Variants in IGSF5 observed in about 807,000 individuals in gnomAD.
IGSF5 encodes the protein immunoglobulin superfamily member 5.
In IGSF5, 41 loss-of-function variants were observed where a neutral mutation model predicts 39.4. That is an observed-to-expected ratio of 1.04 (90% CI 0.81 to 1.35). IGSF5 has a LOEUF of 1.35. Ranked by LOEUF, IGSF5 falls within the 40% of genes most tolerant of loss-of-function variation. The pLI, the probability that IGSF5 is intolerant of heterozygous loss-of-function variation, is 0.00. For missense variants in IGSF5, 487 were observed against 494.6 expected (o/e 0.98, Z 0.15); for synonymous variants, 183 against 175.3 (o/e 1.04, Z -0.34).
At chr21:39,794,179 G>C (rs999644439) in intron 8 of IGSF5, among the ~76,000 whole-genome samples, 1 of 152,208 alleles carries the variant, frequency 6.6e-6, no homozygotes, top group Non-Finnish European at 1.5e-5. Flanking sequence ...AGGAGTCCTT[G>C]ATGATTAAGG....
At chr21:39,721,683 CT>C in the IGSF5 span, among the ~76,000 whole-genome samples, 164 of 71,506 alleles carry the variant, frequency 2.3e-3, no homozygotes, top group African/African-American at 7.3e-3. Context: ...CCCTTCCTTC[CT>C]TCCTTCCTTC....
intron 2 of IGSF5, among the ~76,000 whole-genome samples, chr21:39,762,125 T>C (rs1413409932): frequency 1.3e-5 from 2 of 152,164 alleles, no homozygotes; most frequent in African/African-American, 4.8e-5. Flanking sequence ...TAAACTCCTA[T>C]AAAGAAATCG....
chr21:39,771,897 A>T (rs992924790), intron 4 of IGSF5, among the ~76,000 whole-genome samples: 8 of 152,144 alleles, frequency 5.3e-5, no homozygotes, highest in African/African-American at 1.9e-4. Context: ...AACATTTTAC[A>T]AAAAAGGAAG....
chr21:39,731,300 A>AT, the IGSF5 span, among the ~76,000 whole-genome samples: 1 of 152,108 alleles, frequency 6.6e-6, no homozygotes, highest in Non-Finnish European at 1.5e-5. Flanking sequence ...TTTTAGGTCT[A>AT]TTAAGAGGTC....
chr21:39,724,146 T>C, the IGSF5 span, among the ~76,000 whole-genome samples: 2 of 152,044 alleles, frequency 1.3e-5, no homozygotes, highest in African/African-American at 4.8e-5. Flanking sequence ...TTTTGTTTCT[T>C]CAAGTAATAC....
the IGSF5 span, chr21:39,725,742 A>G: frequency 6.6e-6 from 1 of 152,208 alleles, no homozygotes; most frequent in East Asian, 1.9e-4. Flanking sequence ...TCTGGAAAAA[A>G]AACTAGCACA....
At chr21:39,727,376 C>T in the IGSF5 span, among the ~76,000 whole-genome samples, 7 of 152,292 alleles carry the variant, frequency 4.6e-5, no homozygotes, top group South Asian at 1.5e-3. Flanking sequence ...AATTCCAGCT[C>T]TCAATGGGGC....
chr21:39,731,873 A>G, the IGSF5 span, among the ~76,000 whole-genome samples: 1 of 152,240 alleles, frequency 6.6e-6, no homozygotes, highest in East Asian at 1.9e-4. Context: ...TGAAATTTGT[A>G]ATAGTTTGTT....
At chr21:39,752,246 G>A (rs2080009302) in intron 2 of IGSF5, among the ~76,000 whole-genome samples, 1 of 152,130 alleles carries the variant, frequency 6.6e-6, no homozygotes, top group Admixed American at 6.5e-5. Context: ...CCACTTATAA[G>A]TGAGAACATA....
At chr21:39,748,299 A>G (rs1254971143) in intron 2 of IGSF5, among the ~76,000 whole-genome samples, 1 of 43,746 alleles carries the variant, frequency 2.3e-5, no homozygotes, top group East Asian at 6.5e-4. Flanking sequence ...AGAAAACAAG[A>G]TCTTTTTTTT....
At chr21:39,718,482 G>A in the IGSF5 span, among the ~76,000 whole-genome samples, 1 of 152,018 alleles carries the variant, frequency 6.6e-6, no homozygotes, top group Non-Finnish European at 1.5e-5. Context: ...GTTGGCTGTG[G>A]GTTTGTCATA....
rs1032926504 is a variant in IGSF5 at position 39,801,423 on chromosome 21, C to G, written c.*66C>G. On this transcript the variant is annotated 3_prime_UTR_variant, in exon 9 of 9. Coordinates refer to ENST00000380588, the MANE Select transcript of IGSF5 (RefSeq NM_001080444.2). ...TTCAAAACACGGCGATGGCATCCTT[C>G]CTTTCCATCCTAAGACTGGCCTGCA... 2 of 1,163,428 alleles carry G rather than the reference C, an allele frequency of 1.7e-6. No homozygotes were observed. The highest frequency in any genetic ancestry group is 3.6e-5 in the Admixed American group (2 of 55,460). The allele number at this position is 1,163,428 out of a possible 1,614,324, so 72.1% of individuals were successfully genotyped here.
chr21:39,730,410 C>G, the IGSF5 span: 4 of 152,294 alleles, frequency 2.6e-5, no homozygotes, highest in South Asian at 8.3e-4. Flanking sequence ...AGGCCACATT[C>G]TGAGGAACTG....
At chr21:39,799,856 A>G (rs1351780537) in intron 8 of IGSF5, among the ~76,000 whole-genome samples, 1 of 152,220 alleles carries the variant, frequency 6.6e-6, no homozygotes, top group East Asian at 1.9e-4. Context: ...AGAGATCTCA[A>G]TCATGGATTA....
intron 5 of IGSF5, among the ~76,000 whole-genome samples, chr21:39,787,596 C>A (rs2086930956): frequency 7.8e-6 from 1 of 127,432 alleles, no homozygotes; most frequent in Non-Finnish European, 1.6e-5. Flanking sequence ...ACAACTGTAT[C>A]AATTGATACC....
At chr21:39,750,459 G>C (rs2079999316) in intron 2 of IGSF5, among the ~76,000 whole-genome samples, 2 of 144,106 alleles carry the variant, frequency 1.4e-5, no homozygotes. Flanking sequence ...AGTGACCTAT[G>C]ATCGTGCCAC....
intron 2 of IGSF5, among the ~76,000 whole-genome samples, chr21:39,755,614 A>C (rs1271420180): frequency 6.6e-6 from 1 of 151,466 alleles, no homozygotes; most frequent in Non-Finnish European, 1.5e-5. Context: ...TTAGTAAATG[A>C]TTTATTTGAC....
At position 39,769,961 on chromosome 21, in the gene IGSF5, T is replaced by A. The variant is rs190734659; in HGVS notation, c.419-955T>A. Among the ~76,000 whole-genome samples, 159 of 152,344 alleles carry A rather than the reference T, an allele frequency of 1.0e-3. 1 individual carries two copies. Among genetic ancestry groups the A allele is most frequent in the Non-Finnish European group, 2.0e-3 (135 of 68,042 alleles). On this transcript the variant is annotated intron_variant, in intron 3 of 8. Coordinates refer to ENST00000380588, the MANE Select transcript of IGSF5 (RefSeq NM_001080444.2). ...TTGAGAAGTGCTGATCTGGTCAAAC[T>A]ATCTCATTCAGTAAGTACAACAAAG...
At chr21:39,736,107 GC>G in the IGSF5 span, among the ~76,000 whole-genome samples, 1 of 150,326 alleles carries the variant, frequency 6.7e-6, no homozygotes, top group Admixed American at 6.6e-5. Context: ...GGGGTCCCAG[GC>G]CCCCTGGCAC....
Sources: gnomAD v4.1 joint callset for allele counts (sites outside exome capture counted in the v4.1 genomes callset) on GRCh38, gnomAD v4.1.1 for gene constraint, MANE v1.5 for transcripts, NCBI Gene and HGNC (gene_info 2026-07-23, HGNC 2026-07-21) for gene names.